The following PSMC6 variants were observed in gnomAD, a reference collection of about 807,000 sequenced individuals.
PSMC6 encodes 26S proteasome regulatory subunit 10B.
Under a neutral mutation model 55.9 loss-of-function variants are expected in PSMC6, and 3 were observed. The observed-to-expected ratio is 0.05, with a 90% confidence interval of 0.02 to 0.14. The LOEUF is 0.14. Ranked by LOEUF, PSMC6 falls within the 10% of genes least tolerant of loss-of-function variation. PSMC6 has a pLI of 1.00. For missense variants in PSMC6, 210 were observed against 478.7 expected (o/e 0.44, Z 5.24); for synonymous variants, 137 against 155.9 (o/e 0.88, Z 0.90).
intron 7 of PSMC6, chr14:52,714,169 T>C: frequency 2.4e-6 from 1 of 411,610 alleles, no homozygotes; most frequent in Non-Finnish European, 4.3e-6. Flanking sequence ...GTCTCCCACG[T>C]AGCTGGGACT....
At chr14:52,712,227 G>A (rs1275331893) in intron 6 of PSMC6, among the ~76,000 whole-genome samples, 1 of 151,804 alleles carries the variant, frequency 6.6e-6, no homozygotes, top group African/African-American at 2.4e-5. Context: ...ATTTTTTTTG[G>A]AACACTTATT....
chr14:52,711,298 A>G, intron 5 of PSMC6, 112 bp from the exon 6 acceptor site: 1 of 1,267,098 alleles, frequency 7.9e-7, no homozygotes, highest in East Asian at 2.3e-5. Context: ...AATTAAGCAC[A>G]TCTTTATGAG....
chr14:52,715,453 T>G (rs2041820159), intron 7 of PSMC6, among the ~76,000 whole-genome samples: 1 of 152,202 alleles, frequency 6.6e-6, no homozygotes, highest in Non-Finnish European at 1.5e-5. Flanking sequence ...TTTGGTTATT[T>G]GGCGCACATT....
At chr14:52,715,970 G>T (rs1470991820) in intron 7 of PSMC6, among the ~76,000 whole-genome samples, 2 of 152,150 alleles carry the variant, frequency 1.3e-5, no homozygotes, top group African/African-American at 2.4e-5. Context: ...GAGATAAGTG[G>T]TGAGAATAAC....
At chr14:52,725,267 T>C (rs1280255512) in intron 13 of PSMC6, among the ~76,000 whole-genome samples, 1 of 152,218 alleles carries the variant, frequency 6.6e-6, no homozygotes, top group Non-Finnish European at 1.5e-5. Flanking sequence ...TATCAAAATA[T>C]ACGCTTTTTT....
intron 4 of PSMC6, 99 bp from the exon 5 acceptor site, chr14:52,711,002 G>A: frequency 1.0e-5 from 8 of 796,588 alleles, no homozygotes; most frequent in Non-Finnish European, 1.7e-5. Flanking sequence ...TCTCTCTGGA[G>A]GGTAAAAATG....
intron 9 of PSMC6, 87 bp from the exon 10 acceptor site, chr14:52,718,890 G>T: frequency 9.8e-7 from 1 of 1,015,604 alleles, no homozygotes; most frequent in Non-Finnish European, 1.5e-6. Context: ...AATGTTTTAA[G>T]CCACAGACTG....
rs181979601 is a variant in PSMC6 at position 52,718,791 on chromosome 14, T to G, written c.716-186T>G. 5.6e-4 allele frequency: 329 copies of G among 585,338 alleles called. 1 individual carries two copies. In the African/African-American group the frequency reaches 5.9e-3, roughly 10 times the overall value. The allele number at this position is 585,338 out of a possible 1,614,324, so 36.3% of individuals were successfully genotyped here. A position where few individuals can be genotyped will look rare whatever the true frequency, so the allele number is the denominator to read the frequency against. The stretch of plus-strand genomic sequence containing the variant: ...CAGAGCGAGACTCCGTCTCAATAAA[T>G]AACCTTTCACTTTAACAAAATGAGA... On this transcript the variant is annotated intron_variant, in intron 9 of 13. Transcript: ENST00000445930.
At position 52,711,461 on chromosome 14, in the gene PSMC6, C is replaced by A. The variant is rs1336685592; in HGVS notation, c.378C>A (p.Asp126Glu). The A allele has an allele frequency of 2.5e-6, 4 of 1,613,102 alleles. No individual in the cohort carries two copies. The highest frequency in any genetic ancestry group is 2.5e-6 in the Non-Finnish European group (3 of 1,179,336). ...DPLVYNMSHE[D>E]PGNVSYSEIG... ...TGGTTTATAACATGTCTCATGAGGA[C>A]CCTGGGAATGTTTCTTATTCTGAGA... The change falls in exon 6 of 14, where the codon GAC (aspartate) becomes GAA (glutamate). Residue 126 changes from aspartate (D) to glutamate (E), a missense_variant. Physicochemically the swap from Asp to Glu is conservative, Grantham distance 45. Coordinates refer to ENST00000445930, the MANE Select transcript of PSMC6 (RefSeq NM_002806.5).
At position 52,723,950 on chromosome 14, in the gene PSMC6, A is replaced by AT. The variant is rs1280306896; in HGVS notation, c.980-9dup. On this transcript the variant is annotated splice_polypyrimidine_tract_variant and intron_variant, in intron 12 of 13. Coordinates refer to ENST00000445930, the MANE Select transcript of PSMC6 (RefSeq NM_002806.5). ...CTAATTTTTAAAACTAATTTCCAGTATTTTTTCTAAACAGATTATGAAGCA... is the reference window on the plus strand; with the variant it reads ...CTAATTTTTAAAACTAATTTCCAGTATTTTTTTCTAAACAGATTATGAAGCA... 1 of 1,610,478 alleles carries AT rather than the reference A, an allele frequency of 6.2e-7. No homozygotes were observed. Among genetic ancestry groups the AT allele is most frequent in the Non-Finnish European group, 8.5e-7 (1 of 1,178,632 alleles).
chr14:52,713,789 C>T, intron 6 of PSMC6, 92 bp from the exon 7 acceptor site: 1 of 774,792 alleles, frequency 1.3e-6, no homozygotes, highest in East Asian at 2.6e-5. Flanking sequence ...ATGATGTGTA[C>T]ACCTAACTAA....
intron 13 of PSMC6, among the ~76,000 whole-genome samples, 155 bp downstream of exon 13, chr14:52,724,191 G>T (rs1345641304): frequency 6.6e-6 from 1 of 152,182 alleles, no homozygotes. Context: ...GAGAAGCAGG[G>T]CAAGTGAGAT....
At chr14:52,709,430 TCACAGAAC>T (rs2041741060) in intron 4 of PSMC6, 8 of 274,572 alleles carry the variant, frequency 2.9e-5, no homozygotes, top group Non-Finnish European at 5.0e-5. Context: ...TTTAAAACAT[TCACAGAAC>T]ATGGCTGTAA....
In PSMC6 at chr14:52,707,207, A is replaced by C; in HGVS notation, c.-13A>C. The C allele has an allele frequency of 6.2e-7, 1 of 1,612,600 alleles. No individual in the cohort carries two copies. The highest frequency in any genetic ancestry group is 8.5e-7 in the Non-Finnish European group (1 of 1,179,558). ...CCATTCCCGGCATCCCCTATGAGAG[A>C]CGGCTTCTCATCATGGCGGACCCTA... On this transcript the variant is annotated 5_prime_UTR_variant, in exon 1 of 14. Transcript: ENST00000445930.
At position 52,707,214 on chromosome 14, in the gene PSMC6, C is replaced by T. The variant is rs376129677; in HGVS notation, c.-6C>T. 2 of 1,609,146 alleles carry T rather than the reference C, an allele frequency of 1.2e-6. No homozygotes were observed. Among genetic ancestry groups the T allele is most frequent in the Non-Finnish European group, 1.7e-6 (2 of 1,177,590 alleles). On this transcript the variant is annotated 5_prime_UTR_variant, in exon 1 of 14. Transcript: ENST00000445930. ...CGGCATCCCCTATGAGAGACGGCTT[C>T]TCATCATGGCGGACCCTAGAGATAA...
intron 7 of PSMC6, among the ~76,000 whole-genome samples, chr14:52,717,269 G>A (rs1019912482): frequency 1.3e-5 from 2 of 149,874 alleles, no homozygotes; most frequent in Admixed American, 6.6e-5. Flanking sequence ...ATTTAAAATA[G>A]ATTTTAAAAA....
At chr14:52,719,082 TA>T in intron 10 of PSMC6, 44 bp downstream of exon 10, 1 of 1,466,328 alleles carries the variant, frequency 6.8e-7, no homozygotes, top group Non-Finnish European at 9.5e-7. Flanking sequence ...CAATGTTTAT[TA>T]AATGAAGAAC....
At chr14:52,709,417 G>C (rs2041740877) in intron 4 of PSMC6, among the ~76,000 whole-genome samples, 1 of 152,134 alleles carries the variant, frequency 6.6e-6, no homozygotes, top group African/African-American at 2.4e-5. Flanking sequence ...TTCAGGTTCA[G>C]GTTTTAAAAC....
chr14:52,708,881 C>A, intron 4 of PSMC6, 65 bp downstream of exon 4: 2 of 1,595,070 alleles, frequency 1.3e-6, no homozygotes, highest in Non-Finnish European at 1.7e-6. Context: ...GTTATTGTCT[C>A]TAATTCTTGA....
Sources: allele counts gnomAD v4.1 joint callset (sites outside exome capture counted in the v4.1 genomes callset), GRCh38; gene constraint gnomAD v4.1.1; transcripts MANE v1.5; gene names NCBI Gene and HGNC (gene_info 2026-07-23, HGNC 2026-07-21).